Variants in TRIM71 observed in about 807,000 individuals in gnomAD.
TRIM71 encodes the protein E3 ubiquitin-protein ligase TRIM71.
TRIM71 carries 9 observed loss-of-function variants against 61.2 expected under a neutral mutation model. The ratio of observed to expected loss-of-function variants is 0.15; its 90% CI spans 0.09 to 0.26. The LOEUF (loss-of-function observed/expected upper bound fraction) is 0.26. Ranked by LOEUF, TRIM71 falls within the 10% of genes least tolerant of loss-of-function variation. TRIM71 has a pLI of 1.00. For missense variants in TRIM71, 998 were observed against 1,238.7 expected (o/e 0.81, Z 2.92); for synonymous variants, 645 against 553.2 (o/e 1.17, Z -2.33).
Position 32,819,536 on chromosome 3 carries a change from G to T in TRIM71, c.852+604G>T, listed in dbSNP as rs549859238. Among the ~76,000 whole-genome samples the T allele has an allele frequency of 5.3e-5, 8 of 152,270 alleles. No individual in the cohort carries two copies. In the South Asian group the frequency reaches 1.7e-3, roughly 32 times the overall value. On this transcript the variant is annotated intron_variant, in intron 1 of 3. Coordinates refer to ENST00000383763, the MANE Select transcript of TRIM71 (RefSeq NM_001039111.3). ...TTGCCTCCTTATGTTGGGTAAGAGT[G>T]GGAGCGTCTGTGGATCTTTGAGGGC...
At chr3:32,841,550 G>T (rs1400644456) in intron 1 of TRIM71, among the ~76,000 whole-genome samples, 1 of 152,000 alleles carries the variant, frequency 6.6e-6, no homozygotes, top group Non-Finnish European at 1.5e-5. Context: ...GGCGTGTGCA[G>T]TGAAGCAAGA....
intron 1 of TRIM71, among the ~76,000 whole-genome samples, chr3:32,839,748 C>T (rs185631793): frequency 0.012 from 1,779 of 151,872 alleles, 25 homozygotes; most frequent in Non-Finnish European, 0.019. Context: ...TCTAATTCTT[C>T]CCTCATACGT....
intron 1 of TRIM71, among the ~76,000 whole-genome samples, chr3:32,824,270 C>T (rs369915751): frequency 7.3e-5 from 11 of 151,582 alleles, no homozygotes; most frequent in African/African-American, 2.2e-4. Flanking sequence ...CTCCACCTCA[C>T]GGGTTCAAGT....
intron 1 of TRIM71, among the ~76,000 whole-genome samples, chr3:32,821,114 T>C (rs1401657450): frequency 3.9e-5 from 6 of 152,170 alleles, no homozygotes; most frequent in Non-Finnish European, 1.5e-5. Context: ...AATAATTCCT[T>C]TTCTTTTGAT....
At chr3:32,838,275 G>A (rs1696357654) in intron 1 of TRIM71, among the ~76,000 whole-genome samples, 1 of 152,120 alleles carries the variant, frequency 6.6e-6, no homozygotes, top group South Asian at 2.1e-4. Flanking sequence ...CCAGGCTGGA[G>A]TGCAGTGGTG....
At chr3:32,818,976 G>A (rs780440667) in intron 1 of TRIM71, 44 bp downstream of exon 1, 1 of 1,595,022 alleles carries the variant, frequency 6.3e-7, no homozygotes, top group East Asian at 2.2e-5. Context: ...GGATAACTGC[G>A]TGTGTGCTCA....
intron 1 of TRIM71, among the ~76,000 whole-genome samples, chr3:32,843,798 C>T (rs1001284194): frequency 4.6e-5 from 7 of 152,134 alleles, no homozygotes; most frequent in Non-Finnish European, 7.3e-5. Context: ...CCTTTCCTGT[C>T]GTGCTGCTTT....
chr3:32,859,453 T>C (rs1022563463), intron 1 of TRIM71, among the ~76,000 whole-genome samples: 1 of 152,096 alleles, frequency 6.6e-6, no homozygotes, highest in African/African-American at 2.4e-5. Context: ...GAGATGGGGT[T>C]TCACCATTGG....
At chr3:32,860,889 G>A (rs918058472) in intron 1 of TRIM71, among the ~76,000 whole-genome samples, 7 of 152,100 alleles carry the variant, frequency 4.6e-5, no homozygotes, top group Admixed American at 2.6e-4. Context: ...AAAATAAATC[G>A]TGGGGCTGGG....
chr3:32,876,539 G>A (rs975168269), intron 2 of TRIM71, among the ~76,000 whole-genome samples: 2 of 152,072 alleles, frequency 1.3e-5, no homozygotes, highest in African/African-American at 4.8e-5. Context: ...AGCCGAGATC[G>A]TGCCACTGCA....
chr3:32,853,816 G>T (rs926661968), intron 1 of TRIM71, among the ~76,000 whole-genome samples: 5 of 152,120 alleles, frequency 3.3e-5, no homozygotes, highest in Non-Finnish European at 7.3e-5. Context: ...AGAGCAGTCT[G>T]ACCAACAGAG....
At chr3:32,824,750 C>T (rs1279590234) in intron 1 of TRIM71, among the ~76,000 whole-genome samples, 1 of 152,134 alleles carries the variant, frequency 6.6e-6, no homozygotes, top group Non-Finnish European at 1.5e-5. Flanking sequence ...TCCCAAAATG[C>T]TGGGATTTCA....
At chr3:32,887,265 G>A (rs1042891050) in intron 3 of TRIM71, among the ~76,000 whole-genome samples, 4 of 152,184 alleles carry the variant, frequency 2.6e-5, no homozygotes, top group African/African-American at 9.6e-5. Flanking sequence ...CTCTCTAAAG[G>A]CAGTTCTGTT....
At chr3:32,878,254 C>T (rs6765566) in intron 2 of TRIM71, among the ~76,000 whole-genome samples, 1,826 of 152,290 alleles carry the variant, frequency 0.012, 40 homozygotes, top group African/African-American at 0.04. Flanking sequence ...TGTCAATCAG[C>T]AGTAATATTT....
rs1697021144 is a variant in TRIM71 at position 32,891,206 on chromosome 3, G to A, written c.2002G>A (p.Val668Met). 5 of 1,613,284 alleles carry A rather than the reference G, an allele frequency of 3.1e-6. No individual in the cohort carries two copies. The highest frequency in any genetic ancestry group is 1.1e-5 in the South Asian group (1 of 91,024). Residue 668 changes from valine (V) to methionine (M), a missense_variant, in exon 4 of 4, where the codon GTG becomes ATG. This residue lies in a region of TRIM71 where 83 missense variants were observed against 202.7 expected (regional missense o/e 0.41). Coordinates refer to ENST00000383763, the MANE Select transcript of TRIM71 (RefSeq NM_001039111.3). This position sits in a 1 kb window ranked among gnomAD's most constrained non-coding sequence, Gnocchi z 8.2. The stretch of plus-strand genomic sequence containing the variant: ...GGCCTGTGACGCCTCACGCAGGATC[G>A]TGGTGGCTGACAAGGACAATCATCG... ...GVACDASRRI[V>M]VADKDNHRIQ...
chr3:32,836,037 T>C (rs1169857084), intron 1 of TRIM71, among the ~76,000 whole-genome samples: 1 of 152,236 alleles, frequency 6.6e-6, no homozygotes, highest in East Asian at 1.9e-4. Flanking sequence ...TTGCCTCTTT[T>C]ATTTGGCTGT....
chr3:32,875,864 A>T (rs1281245621), intron 2 of TRIM71, among the ~76,000 whole-genome samples: 1 of 152,106 alleles, frequency 6.6e-6, no homozygotes, highest in East Asian at 1.9e-4. Flanking sequence ...AGTGCTAAAG[A>T]ATTGAGATCA....
In TRIM71 at chr3:32,818,378, C is replaced by T. The variant is rs891041279; in HGVS notation, c.298C>T (p.Leu100=). 1.4e-6 allele frequency: 2 copies of T among 1,478,832 alleles called. No individual in the cohort carries two copies. Among genetic ancestry groups the T allele is most frequent in the Non-Finnish European group, 1.8e-6 (2 of 1,119,770 alleles). 91.6% of individuals were successfully genotyped at this position (1,478,832 alleles called of 1,614,324 possible). ...RCPVCDQKVV[L]AEAAGMDALP... ...CCCCGTGTGCGACCAGAAAGTAGTG[C>T]TAGCCGAGGCGGCGGGTATGGACGC... Residue 100 remains leucine, a synonymous_variant, in exon 1 of 4, where the codon CTA becomes TTA. Coordinates refer to ENST00000383763, the MANE Select transcript of TRIM71 (RefSeq NM_001039111.3).
intron 1 of TRIM71, among the ~76,000 whole-genome samples, chr3:32,868,979 A>G (rs1178759653): frequency 1.3e-5 from 2 of 152,208 alleles, no homozygotes; most frequent in Non-Finnish European, 2.9e-5. Flanking sequence ...TTTGAGCACA[A>G]GCACTCAGTC....
Sources: allele counts gnomAD v4.1 joint callset (sites outside exome capture counted in the v4.1 genomes callset), GRCh38; gene constraint gnomAD v4.1.1; regional missense constraint gnomAD v4.1.1; non-coding constraint Gnocchi (gnomAD v3.1); transcripts MANE v1.5; gene names NCBI Gene and HGNC (gene_info 2026-07-23, HGNC 2026-07-21).